The following R3HDM1 variants were observed in gnomAD, a reference collection of about 807,000 sequenced individuals.
The protein encoded by R3HDM1 is R3H domain containing 1.
A neutral mutation model predicts 141.1 loss-of-function variants in R3HDM1; 46 were observed. That is an observed-to-expected ratio of 0.33 (90% CI 0.26 to 0.42). The LOEUF (loss-of-function observed/expected upper bound fraction) is 0.42. R3HDM1 is among the 10% of genes least tolerant of loss of function. The probability of loss-of-function intolerance (pLI) is 1.00; values close to 1 mark genes in which losing one functional copy is unlikely to be tolerated. For missense variants in R3HDM1, 1,184 were observed against 1,368.3 expected (o/e 0.87, Z 2.12); for synonymous variants, 435 against 472.9 (o/e 0.92, Z 1.04).
chr2:135,676,955 GT>G lies in R3HDM1; in HGVS notation c.2307+1470del, dbSNP rs551189407. ...TATCTGAACACATGTAAACAAATTG[GT>G]GATAGTGTACAGACTAGTAACTGAG... On this transcript the variant is annotated intron_variant, in intron 20 of 26. Coordinates refer to ENST00000683871, the MANE Select transcript of R3HDM1 (RefSeq NM_001378107.1). Among the ~76,000 whole-genome samples, 19 of 152,260 alleles carry G rather than the reference GT, an allele frequency of 1.2e-4. No homozygotes were observed. The East Asian group carries it at 2.7e-3, about 22-fold the overall frequency.
chr2:135,615,834 T>A (rs2060975613), intron 3 of R3HDM1, among the ~76,000 whole-genome samples: 1 of 152,218 alleles, frequency 6.6e-6, no homozygotes, highest in African/African-American at 2.4e-5. Context: ...ATGAAGTATA[T>A]TTTATTTCAC....
At position 135,675,507 on chromosome 2, in the gene R3HDM1, A is replaced by T. The variant is rs776042866; in HGVS notation, c.2307+21A>T. The T allele has an allele frequency of 3.1e-6, 5 of 1,591,920 alleles. No homozygotes were observed. In the South Asian group the frequency reaches 4.5e-5, roughly 14 times the overall value. Reference sequence around the variant, plus strand: ...ATCAGGTATATTGTCTCTTTTATGTACTTTGGGTAGAGATGATTTCGAATA... The same window carrying T: ...ATCAGGTATATTGTCTCTTTTATGTTCTTTGGGTAGAGATGATTTCGAATA... On this transcript the variant is annotated intron_variant, in intron 20 of 26. Coordinates refer to ENST00000683871, the MANE Select transcript of R3HDM1 (RefSeq NM_001378107.1).
At chr2:135,703,916 T>C (rs1029481459) in intron 21 of R3HDM1, among the ~76,000 whole-genome samples, 1 of 152,210 alleles carries the variant, frequency 6.6e-6, no homozygotes, top group Non-Finnish European at 1.5e-5. Context: ...AGAAAGTTGG[T>C]GTTTTCTTCC....
At chr2:135,721,078 A>G (rs765444802) in intron 24 of R3HDM1, among the ~76,000 whole-genome samples, 1 of 152,200 alleles carries the variant, frequency 6.6e-6, no homozygotes, top group Non-Finnish European at 1.5e-5. Context: ...GTCTCTATTC[A>G]TGTAGTTCCT....
chr2:135,597,469 A>G (rs919227204), intron 1 of R3HDM1, among the ~76,000 whole-genome samples: 7 of 152,252 alleles, frequency 4.6e-5, no homozygotes, highest in African/African-American at 1.7e-4. Context: ...CTATTTCTAA[A>G]TAGAGCATAA....
intron 1 of R3HDM1, among the ~76,000 whole-genome samples, chr2:135,600,740 A>G (rs1022863414): frequency 2.0e-5 from 3 of 152,262 alleles, no homozygotes; most frequent in African/African-American, 7.2e-5. Flanking sequence ...CTGTTATCAA[A>G]TGGTGTGGCA....
chr2:135,709,898 A>G (rs777069356), intron 22 of R3HDM1, among the ~76,000 whole-genome samples, 161 bp from the exon 23 acceptor site: 8 of 152,226 alleles, frequency 5.3e-5, no homozygotes, highest in Non-Finnish European at 8.8e-5. Context: ...TTAAACACAC[A>G]ATACTTGTAG....
chr2:135,690,418 G>T (rs2072152974), intron 21 of R3HDM1, among the ~76,000 whole-genome samples: 1 of 152,194 alleles, frequency 6.6e-6, no homozygotes, highest in South Asian at 2.1e-4. Flanking sequence ...CAAGAGATGT[G>T]CTGTACAAGA....
At chr2:135,605,153 G>T (rs2059937625) in intron 3 of R3HDM1, 137 bp downstream of exon 3, 1 of 688,252 alleles carries the variant, frequency 1.5e-6, no homozygotes, top group East Asian at 2.9e-5. Flanking sequence ...GCTGGTTTTG[G>T]AGCCAGTTGG....
At chr2:135,617,220 G>A (rs1324011477) in intron 5 of R3HDM1, among the ~76,000 whole-genome samples, 1 of 151,930 alleles carries the variant, frequency 6.6e-6, no homozygotes. Flanking sequence ...CCAGCTACTC[G>A]GGAGGCTGAG....
chr2:135,620,608 G>C lies in R3HDM1; in HGVS notation c.304-886G>C. 3.1e-6 allele frequency: 3 copies of C among 981,528 alleles called. No homozygotes were observed. In the South Asian group the frequency reaches 1.4e-4, roughly 46 times the overall value. 60.8% of individuals were successfully genotyped at this position (981,528 alleles called of 1,614,324 possible). On this transcript the variant is annotated intron_variant, in intron 5 of 26. Transcript: ENST00000683871. Reference sequence around the variant, plus strand: ...GGGTAAAAAGTCTACGTGTCTGATTGATGGTTTTCTTGACTATAGAACAAC... The same window carrying C: ...GGGTAAAAAGTCTACGTGTCTGATTCATGGTTTTCTTGACTATAGAACAAC...
At chr2:135,721,732 C>T (rs3754692) in intron 24 of R3HDM1, 192 bp from the exon 25 acceptor site, 244,422 of 419,148 alleles carry the variant, frequency 0.58, 82,565 homozygotes, top group Non-Finnish European at 0.74. Context: ...GAATTACAGG[C>T]GCCCACCACC....
At position 135,686,695 on chromosome 2, in the gene R3HDM1, C is replaced by T. The variant is rs141273651; in HGVS notation, c.2459+6371C>T. Among the ~76,000 whole-genome samples, 788 of 152,066 alleles carry T rather than the reference C, an allele frequency of 5.2e-3. 8 individuals are homozygous for T. Among genetic ancestry groups the T allele is most frequent in the African/African-American group, 0.017 (724 of 41,466 alleles). On this transcript the variant is annotated intron_variant, in intron 21 of 26. Transcript: ENST00000683871. ...TCAAGGCTATAGTGAGCCATGATTACGCCACTGTATTCCAGCTTAGGCGAC... is the reference window on the plus strand; with the variant it reads ...TCAAGGCTATAGTGAGCCATGATTATGCCACTGTATTCCAGCTTAGGCGAC...
At chr2:135,643,417 C>CA (rs11352652) in intron 15 of R3HDM1, among the ~76,000 whole-genome samples, 102 of 140,898 alleles carry the variant, frequency 7.2e-4, no homozygotes, top group Middle Eastern at 7.2e-3. Context: ...TAAGTTTCCT[C>CA]AAAAAAAAAA....
chr2:135,645,197 A>C (rs1203666905), intron 15 of R3HDM1, 182 bp from the exon 16 acceptor site: 2 of 492,966 alleles, frequency 4.1e-6, no homozygotes, highest in Non-Finnish European at 6.8e-6. Flanking sequence ...AATAAAGACT[A>C]TTAATAGCCT....
intron 23 of R3HDM1, among the ~76,000 whole-genome samples, chr2:135,712,320 G>A (rs2075738813): frequency 6.6e-6 from 1 of 152,002 alleles, no homozygotes; most frequent in Admixed American, 6.6e-5. Flanking sequence ...CTGGAGTGCA[G>A]TGGCATGTTC....
intron 18 of R3HDM1, among the ~76,000 whole-genome samples, chr2:135,654,695 C>T (rs541839908): frequency 5.9e-5 from 9 of 152,152 alleles, no homozygotes; most frequent in South Asian, 2.1e-4. Context: ...GTGATCCTCC[C>T]GCCTCGGCCT....
intron 15 of R3HDM1, 34 bp downstream of exon 15, chr2:135,641,824 T>A (rs1336238924): frequency 6.5e-7 from 1 of 1,546,530 alleles, no homozygotes. Context: ...TCAGGAATTA[T>A]CTGAAAATTT....
At position 135,607,750 on chromosome 2, in the gene R3HDM1, A is replaced by T. The variant is rs555472390; in HGVS notation, c.171+2734A>T. ...ATTGTGTTGCCCTTGGCAGTAAGCC[A>T]CAAGAACATTCTGATGACCACTTTT... On this transcript the variant is annotated intron_variant, in intron 3 of 26. Coordinates refer to ENST00000683871, the MANE Select transcript of R3HDM1 (RefSeq NM_001378107.1). 36 of 710,472 alleles carry T rather than the reference A, an allele frequency of 5.1e-5. No homozygotes were observed. The South Asian group carries it at 1.1e-3, about 21-fold the overall frequency. The allele number at this position is 710,472 out of a possible 1,614,324, so 44.0% of individuals were successfully genotyped here.
Sources: allele counts gnomAD v4.1 joint callset (sites outside exome capture counted in the v4.1 genomes callset), GRCh38; gene constraint gnomAD v4.1.1; transcripts MANE v1.5; gene names NCBI Gene and HGNC (gene_info 2026-07-23, HGNC 2026-07-21).